ANXA4: variants seen among roughly 807,000 people sequenced by gnomAD.
ANXA4 encodes annexin A4.
ANXA4 carries 39 observed loss-of-function variants against 49.8 expected under a neutral mutation model. The ratio of observed to expected loss-of-function variants is 0.78; its 90% CI spans 0.61 to 1.02. The LOEUF is 1.02. Among genes scored for constraint, ANXA4 ranks in the 50% least tolerant of loss-of-function variants. The pLI is 0.00. For missense variants in ANXA4, 360 were observed against 410.1 expected, an observed-to-expected ratio of 0.88 and a Z score of 1.05; for synonymous variants, 134 against 152.5, an observed-to-expected ratio of 0.88 and a Z score of 0.89.
chr2:69,807,446 TTA>T (rs1244652339), intron 5 of ANXA4, among the ~76,000 whole-genome samples: 10 of 152,270 alleles, frequency 6.6e-5, no homozygotes, highest in African/African-American at 2.4e-4. Flanking sequence ...ATGGTTCTAC[TTA>T]AAAATTTTCA....
At chr2:69,756,669 A>G (rs1671048862) in intron 1 of ANXA4, among the ~76,000 whole-genome samples, 1 of 152,154 alleles carries the variant, frequency 6.6e-6, no homozygotes, top group Admixed American at 6.5e-5. Context: ...AAAGGAAAAG[A>G]TGGACAGGTA....
intron 1 of ANXA4, among the ~76,000 whole-genome samples, chr2:69,759,450 A>G (rs760938531): frequency 3.5e-4 from 54 of 152,292 alleles, no homozygotes; most frequent in Admixed American, 1.2e-3. Flanking sequence ...GGTGAAATAG[A>G]TGATTGCTAA....
At chr2:69,763,960 C>T in intron 1 of ANXA4, among the ~76,000 whole-genome samples, 1 of 152,166 alleles carries the variant, frequency 6.6e-6, no homozygotes. Flanking sequence ...CGCACCTGAC[C>T]TTAGTTTTTT....
At chr2:69,765,454 T>C (rs932164400) in intron 1 of ANXA4, among the ~76,000 whole-genome samples, 9 of 152,100 alleles carry the variant, frequency 5.9e-5, no homozygotes, top group Non-Finnish European at 1.0e-4. Context: ...GTTCAGTGAG[T>C]GTTGGCAGAT....
At chr2:69,677,855 T>C (rs1677461698) in intron 2 of ANXA4, among the ~76,000 whole-genome samples, 2 of 152,214 alleles carry the variant, frequency 1.3e-5, no homozygotes, top group Admixed American at 6.5e-5. Flanking sequence ...CCAGAAAACC[T>C]AGAAATTAAC....
intron 2 of ANXA4, among the ~76,000 whole-genome samples, chr2:69,677,240 A>C (rs1677443015): frequency 6.6e-6 from 1 of 151,810 alleles, no homozygotes; most frequent in Admixed American, 6.6e-5. Context: ...TAAATATATA[A>C]TTTTTTTTGA....
intron 2 of ANXA4, among the ~76,000 whole-genome samples, chr2:69,673,759 C>T (rs1263107246): frequency 6.6e-6 from 1 of 151,980 alleles, no homozygotes; most frequent in African/African-American, 2.4e-5. Context: ...GACCTGCAGC[C>T]ACCCTCAGTG....
chr2:69,759,517 G>A (rs1239057092), intron 1 of ANXA4, among the ~76,000 whole-genome samples: 2 of 152,134 alleles, frequency 1.3e-5, no homozygotes, highest in African/African-American at 2.4e-5. Flanking sequence ...TGTAAGCGTG[G>A]AAAGATTCAT....
In ANXA4 at chr2:69,770,200, A is replaced by G. The variant is rs545187835; in HGVS notation, c.-46-11320A>G. 2.6e-5 allele frequency among the ~76,000 whole-genome samples: 4 copies of G among 152,174 alleles called. No individual in the cohort carries two copies. In the East Asian group the frequency reaches 7.7e-4, roughly 29 times the overall value. ...CACGTTTAAAATGTTATTTCTCCCA[A>G]CTCAAACCCCGTCACTGCAATAAAA... is the stretch of plus-strand genomic sequence containing the variant. On this transcript the variant is annotated intron_variant, in intron 1 of 12. Transcript: ENST00000394295.
chr2:69,815,689 G>A (rs956550578), intron 8 of ANXA4: 10 of 186,764 alleles, frequency 5.4e-5, no homozygotes, highest in Non-Finnish European at 9.2e-5. Flanking sequence ...GGTGACTACC[G>A]GCTACCTGTA....
At chr2:69,766,814 C>T (rs1671510808) in intron 1 of ANXA4, among the ~76,000 whole-genome samples, 1 of 152,162 alleles carries the variant, frequency 6.6e-6, no homozygotes, top group Non-Finnish European at 1.5e-5. Context: ...AAACCCATCA[C>T]TCGCCTGTAG....
intron 11 of ANXA4, among the ~76,000 whole-genome samples, chr2:69,820,096 AAAC>A (rs1047138042): frequency 3.3e-5 from 5 of 151,934 alleles, no homozygotes; most frequent in South Asian, 4.1e-4. Flanking sequence ...AAGCAAAACA[AAAC>A]AACAACAACA....
At chr2:69,695,308 A>G (rs1452101126) in intron 2 of ANXA4, among the ~76,000 whole-genome samples, 2 of 152,222 alleles carry the variant, frequency 1.3e-5, no homozygotes, top group Non-Finnish European at 2.9e-5. Context: ...GCAGACGAGT[A>G]TAACCTTTGA....
chr2:69,765,235 T>G (rs1413348818), intron 1 of ANXA4, among the ~76,000 whole-genome samples: 2 of 152,228 alleles, frequency 1.3e-5, no homozygotes, highest in Admixed American at 1.3e-4. Flanking sequence ...TTTGGGTATA[T>G]GTATACCTAG....
intron 1 of ANXA4, among the ~76,000 whole-genome samples, chr2:69,753,462 A>C (rs1183987193): frequency 2.0e-5 from 3 of 152,208 alleles, no homozygotes; most frequent in Non-Finnish European, 4.4e-5. Context: ...GTACTTTTGA[A>C]TTTGAGAACT....
At chr2:69,759,496 TC>T (rs201984518) in intron 1 of ANXA4, among the ~76,000 whole-genome samples, 2,001 of 152,314 alleles carry the variant, frequency 0.013, 26 homozygotes, top group Non-Finnish European at 0.021. Flanking sequence ...TGAAAGTTAA[TC>T]ATTTGTATTT....
At chr2:69,825,314 T>A in intron 12 of ANXA4, 142 bp from the exon 13 acceptor site, 1 of 673,728 alleles carries the variant, frequency 1.5e-6, no homozygotes, top group East Asian at 2.8e-5. Flanking sequence ...TGAATAAGTA[T>A]TACCTTCGTA....
intron 2 of ANXA4, among the ~76,000 whole-genome samples, chr2:69,660,094 T>C (rs1348304406): frequency 3.3e-5 from 5 of 152,194 alleles, no homozygotes; most frequent in Admixed American, 2.0e-4. Flanking sequence ...TGTGTATGCA[T>C]GTATGCACAT....
At chr2:69,771,953 C>T (rs763570654) in intron 1 of ANXA4, among the ~76,000 whole-genome samples, 12 of 152,170 alleles carry the variant, frequency 7.9e-5, no homozygotes, top group South Asian at 4.1e-4. Context: ...TTCAGTTGCT[C>T]CAAAACTATG....
Sources: allele counts gnomAD v4.1 joint callset (sites outside exome capture counted in the v4.1 genomes callset), GRCh38; gene constraint gnomAD v4.1.1; transcripts MANE v1.5; gene names NCBI Gene and HGNC (gene_info 2026-07-23, HGNC 2026-07-21).